Variants in IP6K3 observed in about 807,000 individuals in gnomAD.
The protein encoded by IP6K3 is inositol hexakisphosphate kinase 3.
In IP6K3, 20 loss-of-function variants were observed where a neutral mutation model predicts 28.8. That is an observed-to-expected ratio of 0.70 (90% CI 0.49 to 1.01). The LOEUF (loss-of-function observed/expected upper bound fraction) is 1.01. Among genes scored for constraint, IP6K3 ranks in the 50% least tolerant of loss-of-function variants. The pLI is 0.00. For missense variants in IP6K3, 480 were observed against 537.1 expected (o/e 0.89, Z 1.05); for synonymous variants, 213 against 221.3 (o/e 0.96, Z 0.33).
At position 33,735,367 on chromosome 6, in the gene IP6K3, T is replaced by C; in HGVS notation, c.110A>G (p.His37Arg). The C allele has an allele frequency of 6.2e-7, 1 of 1,606,942 alleles. No individual in the cohort carries two copies. The highest frequency in any genetic ancestry group is 2.2e-5 in the East Asian group (1 of 44,812). The change falls in exon 2 of 6, where the codon CAT (histidine) becomes CGT (arginine). Residue 37 changes from histidine to arginine, a missense_variant. Physicochemically the swap from His to Arg is conservative, Grantham distance 29 (BLOSUM62 0). Coordinates refer to ENST00000293756, the MANE Select transcript of IP6K3 (RefSeq NM_054111.5). ...GGAGACGAGGGGCTTGCACACCGTA[T>C]GCTCGTCATACTTCATCACGCTCAT... ...GHMSVMKYDE[H>R]TVCKPLVSRE... is the part of the protein sequence containing the mutation.
At chr6:33,745,101 G>T (rs570395201) in intron 1 of IP6K3, among the ~76,000 whole-genome samples, 2 of 152,264 alleles carry the variant, frequency 1.3e-5, no homozygotes, top group East Asian at 3.9e-4. Context: ...GGGCCAGCAC[G>T]CGCTGCCACC....
chr6:33,745,715 G>T (rs1766882444), intron 1 of IP6K3, among the ~76,000 whole-genome samples: 1 of 152,212 alleles, frequency 6.6e-6, no homozygotes, highest in Non-Finnish European at 1.5e-5. Context: ...CAGACAGGAT[G>T]CAGACGCTCA....
the IP6K3 span, among the ~76,000 whole-genome samples, chr6:33,756,844 C>T: frequency 6.6e-6 from 1 of 152,196 alleles, no homozygotes; most frequent in African/African-American, 2.4e-5. Context: ...AAACCCAGTT[C>T]AAGGCGTGTC....
intron 1 of IP6K3, among the ~76,000 whole-genome samples, chr6:33,738,719 G>C (rs1766616826): frequency 6.6e-6 from 1 of 152,196 alleles, no homozygotes; most frequent in South Asian, 2.1e-4. Flanking sequence ...ACTGCAGGGG[G>C]CTGAGGGTTG....
Position 33,723,091 on chromosome 6 carries a change from G to A in IP6K3, c.862C>T (p.Leu288=), listed in dbSNP as rs781718672. ...EGFRQALYQF[L]HNGSHLRREL... ...CTCCGGAGGTGGCTTCCATTATGTA[G>A]GAACTGATAGAGGGCTTGTCTGAAC... Residue 288 remains leucine (L), a synonymous_variant, in exon 6 of 6, where the codon CTA becomes TTA. Transcript: ENST00000293756. The A allele has an allele frequency of 6.8e-6, 11 of 1,614,066 alleles. No homozygotes were observed. In the Admixed American group the frequency reaches 1.3e-4, roughly 20 times the overall value.
At chr6:33,750,346 G>A (rs1472633964), upstream of IP6K3, among the ~76,000 whole-genome samples, 1 of 152,094 alleles carries the variant, frequency 6.6e-6, no homozygotes, top group African/African-American at 2.4e-5. This position sits in a 1 kb window ranked among gnomAD's most constrained non-coding sequence, Gnocchi z 4.3. Context: ...TTAGAATAAA[G>A]TCCAAATTTC....
At chr6:33,734,334 A>C (rs910213832) in intron 2 of IP6K3, among the ~76,000 whole-genome samples, 1 of 152,182 alleles carries the variant, frequency 6.6e-6, no homozygotes, top group African/African-American at 2.4e-5. Flanking sequence ...GGATTCTAGT[A>C]AAGTGGGTTT....
At chr6:33,743,854 GTTTTTTTTTTC>G (rs1287507602) in intron 1 of IP6K3, among the ~76,000 whole-genome samples, 20 of 147,058 alleles carry the variant, frequency 1.4e-4, no homozygotes, top group African/African-American at 4.3e-4. Context: ...CTTTGAGAGG[GTTTTTTTTTTC>G]TTTTTTTTTT....
At chr6:33,741,515 G>A (rs139333827) in intron 1 of IP6K3, among the ~76,000 whole-genome samples, 1,778 of 152,006 alleles carry the variant, frequency 0.012, 25 homozygotes, top group Non-Finnish European at 0.02. Context: ...GTGTGGTGGC[G>A]CATGCCTGTA....
At chr6:33,754,023 A>G in the IP6K3 span, among the ~76,000 whole-genome samples, 1 of 151,736 alleles carries the variant, frequency 6.6e-6, no homozygotes, top group African/African-American at 2.4e-5. Context: ...GTTAGCCAGG[A>G]TGGTCTTGAT....
chr6:33,728,738 T>C (rs954249607), intron 2 of IP6K3, among the ~76,000 whole-genome samples: 26 of 152,158 alleles, frequency 1.7e-4, no homozygotes, highest in African/African-American at 6.3e-4. Context: ...GTGAGGGAAG[T>C]TGGGCCCATC....
At chr6:33,761,670 G>A in the IP6K3 span, among the ~76,000 whole-genome samples, 2 of 152,082 alleles carry the variant, frequency 1.3e-5, no homozygotes, top group African/African-American at 2.4e-5. Context: ...CAGAGTGGGG[G>A]ACAGTTTCAT....
At chr6:33,755,921 A>G in the IP6K3 span, among the ~76,000 whole-genome samples, 5,138 of 152,118 alleles carry the variant, frequency 0.034, 119 homozygotes, top group African/African-American at 0.06. Flanking sequence ...CTGGAGTGCA[A>G]TGGTGCAATC....
the IP6K3 span, among the ~76,000 whole-genome samples, chr6:33,761,367 G>C: frequency 2.0e-5 from 3 of 152,100 alleles, no homozygotes; most frequent in African/African-American, 7.2e-5. Flanking sequence ...GGGGAGGCCA[G>C]GAAAGATCCA....
intron 2 of IP6K3, among the ~76,000 whole-genome samples, chr6:33,730,755 C>T (rs1041478204): frequency 1.3e-5 from 2 of 152,038 alleles, no homozygotes; most frequent in African/African-American, 2.4e-5. Flanking sequence ...GTCACATGGT[C>T]GGTGTGGGGT....
intron 2 of IP6K3, among the ~76,000 whole-genome samples, chr6:33,732,606 T>G (rs1382863623): frequency 4.6e-5 from 7 of 152,210 alleles, no homozygotes; most frequent in Non-Finnish European, 1.5e-5. Context: ...ACCTCAGGGC[T>G]TGGAATCCTG....
chr6:33,751,615 C>A (rs1452385215), upstream of IP6K3, among the ~76,000 whole-genome samples: 1 of 151,884 alleles, frequency 6.6e-6, no homozygotes, highest in Non-Finnish European at 1.5e-5. This position sits in a 1 kb window ranked among gnomAD's most constrained non-coding sequence, Gnocchi z 4.3. Flanking sequence ...CCGGCCCTGC[C>A]CTGAGCTCTT....
At chr6:33,740,841 A>G (rs1053155669) in intron 1 of IP6K3, among the ~76,000 whole-genome samples, 1 of 152,242 alleles carries the variant, frequency 6.6e-6, no homozygotes, top group African/African-American at 2.4e-5. Flanking sequence ...GTGGCAGACG[A>G]AACCACAAAT....
chr6:33,759,590 G>A, the IP6K3 span, among the ~76,000 whole-genome samples: 1 of 152,204 alleles, frequency 6.6e-6, no homozygotes, highest in Non-Finnish European at 1.5e-5. Flanking sequence ...AAGGCCGGGC[G>A]TGGTGGCTCA....
Sources: allele counts gnomAD v4.1 joint callset (sites outside exome capture counted in the v4.1 genomes callset), GRCh38; gene constraint gnomAD v4.1.1; non-coding constraint Gnocchi (gnomAD v3.1); transcripts MANE v1.5; gene names NCBI Gene and HGNC (gene_info 2026-07-23, HGNC 2026-07-21).